Variants in EARS2 observed in about 807,000 individuals in gnomAD.
EARS2 encodes the protein nondiscriminating glutamyl-tRNA synthetase EARS2, mitochondrial.
In EARS2, 50 loss-of-function variants were observed where a neutral mutation model predicts 54.1. The observed-to-expected ratio is 0.92, with a 90% confidence interval of 0.74 to 1.17. EARS2 has a LOEUF of 1.17. Among genes scored for constraint, EARS2 ranks in the 50% most tolerant of loss-of-function variants. The pLI, the probability that EARS2 is intolerant of heterozygous loss-of-function variation, is 0.00. For missense variants in EARS2, 673 were observed against 675.0 expected, an observed-to-expected ratio of 1.00 and a Z score of 0.03; for synonymous variants, 298 against 281.0, an observed-to-expected ratio of 1.06 and a Z score of -0.61.
At chr16:23,544,995 C>T (rs1356756692) in intron 2 of EARS2, 1 of 296,694 alleles carries the variant, frequency 3.4e-6, no homozygotes, top group East Asian at 5.9e-5. Flanking sequence ...GCATGTGCCA[C>T]CTCACCCAGC....
rs752357109 is a variant in EARS2 at position 23,524,462 on chromosome 16, CAA to C, written c.1489-10_1489-9del. On this transcript the variant is annotated splice_polypyrimidine_tract_variant and intron_variant, in intron 8 of 8. Transcript: ENST00000449606. ...AGCTACAGGAGGTCCTTGCTAAGAA[CAA>C]AAAGAGCAAATATTGCCTTACTACC... 41 of 1,612,918 alleles carry C rather than the reference CAA, an allele frequency of 2.5e-5. 1 individual carries two copies. In the East Asian group the frequency reaches 9.1e-4, roughly 36 times the overall value.
chr16:23,551,276 G>A (rs973190602), intron 2 of EARS2, among the ~76,000 whole-genome samples: 1 of 152,154 alleles, frequency 6.6e-6, no homozygotes, highest in Admixed American at 6.5e-5. Context: ...TGTGTTTCCT[G>A]CCTGGCCCCT....
chr16:23,523,691 T>G lies in EARS2; in HGVS notation c.*680A>C, dbSNP rs1055812741. 6.6e-6 allele frequency: 1 copy of G among 152,192 alleles called. No homozygotes were observed. Among genetic ancestry groups the G allele is most frequent in the African/African-American group, 2.4e-5 (1 of 41,442 alleles). 9.4% of individuals were successfully genotyped at this position (152,192 alleles called of 1,614,324 possible). On this transcript the variant is annotated 3_prime_UTR_variant, in exon 9 of 9. Transcript: ENST00000449606. ...AATTCTGTCCCCCTAAATTCTTACGTTGAGAAACCCCTGGAACCTCAGAAT... is the reference window on the plus strand; with the variant it reads ...AATTCTGTCCCCCTAAATTCTTACGGTGAGAAACCCCTGGAACCTCAGAAT...
At chr16:23,538,541 AC>A (rs890004231) in intron 3 of EARS2, among the ~76,000 whole-genome samples, 2 of 152,180 alleles carry the variant, frequency 1.3e-5, no homozygotes, top group African/African-American at 4.8e-5. Flanking sequence ...TAAGATGAAT[AC>A]TTGTTTTAAA....
At chr16:23,553,442 T>C (rs999778423) in intron 1 of EARS2, among the ~76,000 whole-genome samples, 1 of 152,064 alleles carries the variant, frequency 6.6e-6, no homozygotes, top group Non-Finnish European at 1.5e-5. Flanking sequence ...ACAAACAAAC[T>C]AGAAATTTAA....
chr16:23,526,643 T>G (rs1227427074), intron 7 of EARS2, among the ~76,000 whole-genome samples: 1 of 152,132 alleles, frequency 6.6e-6, no homozygotes, highest in Non-Finnish European at 1.5e-5. Context: ...TTTGGAGACG[T>G]AGCCAAGAAG....
intron 4 of EARS2, among the ~76,000 whole-genome samples, chr16:23,533,278 T>C (rs1368496294): frequency 6.6e-6 from 1 of 152,124 alleles, no homozygotes; most frequent in East Asian, 1.9e-4. Flanking sequence ...AGCGAGACTC[T>C]ATCAAATAAA....
chr16:23,526,875 C>A (rs891615979), intron 7 of EARS2, among the ~76,000 whole-genome samples: 1 of 152,106 alleles, frequency 6.6e-6, no homozygotes, highest in African/African-American at 2.4e-5. Flanking sequence ...TTGCCTCGGC[C>A]CTGATTGAGT....
In EARS2 at chr16:23,522,008, TTC is replaced by T. The variant is rs767225871; in HGVS notation, c.*2361_*2362del. ...CTGTAACAGAAAAAAAAAATACTGC[TTC>T]TCTCATAGTGTTATAAAAAAAATTT... is the stretch of plus-strand genomic sequence containing the variant. On this transcript the variant is annotated 3_prime_UTR_variant, in exon 9 of 9. Coordinates refer to ENST00000449606, the MANE Select transcript of EARS2 (RefSeq NM_001083614.2). 1 of 353,206 alleles carries T rather than the reference TTC, an allele frequency of 2.8e-6. No individual in the cohort carries two copies. Among genetic ancestry groups the T allele is most frequent in the Non-Finnish European group, 5.6e-6 (1 of 178,924 alleles). 21.9% of individuals were successfully genotyped at this position (353,206 alleles called of 1,614,324 possible). A position where few individuals can be genotyped will look rare whatever the true frequency, so the allele number is the denominator to read the frequency against.
At position 23,529,619 on chromosome 16, in the gene EARS2, C is replaced by T. The variant is rs753827689; in HGVS notation, c.1235G>A (p.Arg412His). The change falls in exon 7 of 9, where the codon CGC becomes CAC. Residue 412 changes from arginine to histidine, a missense_variant. This residue lies in a region of EARS2 where 338 missense variants were observed against 361.2 expected (regional missense o/e 0.94). Coordinates refer to ENST00000449606, the MANE Select transcript of EARS2 (RefSeq NM_001083614.2). ...TACTGGGGACACCAAGTCCTGCAGGCGGCAAATGTGACCCTGGGGAAGGAG... is the reference window on the plus strand; with the variant it reads ...TACTGGGGACACCAAGTCCTGCAGGTGGCAAATGTGACCCTGGGGAAGGAG... Reference protein sequence around the residue: ...ILLLRQGHICRLQDLVSPVYS... With the variant: ...ILLLRQGHICHLQDLVSPVYS... 22 of 1,614,018 alleles carry T rather than the reference C, an allele frequency of 1.4e-5. No individual in the cohort carries two copies. Among genetic ancestry groups the T allele is most frequent in the Non-Finnish European group, 1.6e-5 (19 of 1,179,936 alleles).
At chr16:23,540,104 A>G (rs1567384859) in intron 3 of EARS2, among the ~76,000 whole-genome samples, 2 of 152,294 alleles carry the variant, frequency 1.3e-5, no homozygotes, top group South Asian at 2.1e-4. Flanking sequence ...CCTTGAGCCA[A>G]TATCACACCA....
Position 23,524,289 on chromosome 16 carries a change from C to G in EARS2, c.*82G>C, listed in dbSNP as rs527418211. ...CTTCAGCAAACTTCCCGACGGGCCC[C>G]AGGCCTCCTTCTGGTCTCTGAAAGC... On this transcript the variant is annotated 3_prime_UTR_variant, in exon 9 of 9. Transcript: ENST00000449606. 4 of 1,240,632 alleles carry G rather than the reference C, an allele frequency of 3.2e-6. No homozygotes were observed. Among genetic ancestry groups the G allele is most frequent in the Non-Finnish European group, 4.7e-6 (4 of 842,858 alleles). 76.9% of individuals were successfully genotyped at this position (1,240,632 alleles called of 1,614,324 possible).
intron 5 of EARS2, among the ~76,000 whole-genome samples, chr16:23,530,953 G>A (rs1166710145): frequency 1.3e-5 from 2 of 151,866 alleles, no homozygotes; most frequent in East Asian, 1.9e-4. Context: ...GTGCAATGGT[G>A]TGATTTCGGC....
intron 3 of EARS2, among the ~76,000 whole-genome samples, chr16:23,542,624 G>A (rs1470560320): frequency 6.6e-6 from 1 of 151,910 alleles, no homozygotes; most frequent in Non-Finnish European, 1.5e-5. Flanking sequence ...TGTGGACCTT[G>A]CTCATTAAAA....
chr16:23,533,740 C>A (rs967182785), intron 4 of EARS2, among the ~76,000 whole-genome samples: 1 of 152,090 alleles, frequency 6.6e-6, no homozygotes, highest in African/African-American at 2.4e-5. Flanking sequence ...AGCTTCCTAG[C>A]TGATTCCAAA....
intron 3 of EARS2, among the ~76,000 whole-genome samples, chr16:23,542,299 GTGGACCTTTC>G (rs1347902212): frequency 6.9e-6 from 1 of 145,780 alleles, no homozygotes; most frequent in African/African-American, 2.5e-5. Flanking sequence ...TTGGCCCTTT[GTGGACCTTTC>G]ATTTTTCTTT....
chr16:23,544,204 A>G lies in EARS2; in HGVS notation c.485+310T>C, dbSNP rs1371282381. ...TAAGCTGCTCTATGGAGAGGCTCGC[A>G]TGGCAAAGAACTGATGTCTCCAGGC... On this transcript the variant is annotated intron_variant, in intron 3 of 8. Coordinates refer to ENST00000449606, the MANE Select transcript of EARS2 (RefSeq NM_001083614.2). Among the ~76,000 whole-genome samples the G allele has an allele frequency of 2.0e-5, 3 of 152,138 alleles. No homozygotes were observed. In the East Asian group the frequency reaches 5.8e-4, roughly 29 times the overall value.
At chr16:23,536,283 C>A (rs533765470) in intron 3 of EARS2, among the ~76,000 whole-genome samples, 1 of 152,256 alleles carries the variant, frequency 6.6e-6, no homozygotes, top group East Asian at 1.9e-4. Flanking sequence ...TTAGTCTTTG[C>A]CACAGCTAAG....
At chr16:23,539,974 AC>A (rs1965485724) in intron 3 of EARS2, among the ~76,000 whole-genome samples, 1 of 151,920 alleles carries the variant, frequency 6.6e-6, no homozygotes, top group South Asian at 2.1e-4. Flanking sequence ...ACACGGAGAA[AC>A]CCCGTCTCTA....
Sources: allele counts gnomAD v4.1 joint callset (sites outside exome capture counted in the v4.1 genomes callset), GRCh38; gene constraint gnomAD v4.1.1; regional missense constraint gnomAD v4.1.1; transcripts MANE v1.5; gene names NCBI Gene and HGNC (gene_info 2026-07-23, HGNC 2026-07-21).